Variants in TCERG1L observed in about 807,000 individuals in gnomAD.
TCERG1L encodes transcription elongation regulator 1-like protein.
A neutral mutation model predicts 56.3 loss-of-function variants in TCERG1L; 37 were observed. The ratio of observed to expected loss-of-function variants is 0.66; its 90% CI spans 0.51 to 0.87. The LOEUF (loss-of-function observed/expected upper bound fraction) is 0.87. TCERG1L is among the 40% of genes least tolerant of loss of function. The probability of loss-of-function intolerance (pLI) is 0.00; values close to 1 mark genes in which losing one functional copy is unlikely to be tolerated. For synonymous variants in TCERG1L, 324 were observed against 326.3 expected (o/e 0.99, Z 0.08); for missense variants, 799 against 774.2 (o/e 1.03, Z -0.38).
intron 3 of TCERG1L, among the ~76,000 whole-genome samples, chr10:131,285,028 GCTT>G (rs1160442723): frequency 6.6e-6 from 1 of 152,138 alleles, no homozygotes; most frequent in African/African-American, 2.4e-5. Flanking sequence ...CCACTTCCCA[GCTT>G]CTTCTATGAA....
chr10:131,184,469 C>T (rs531642794), intron 4 of TCERG1L, among the ~76,000 whole-genome samples: 1 of 152,244 alleles, frequency 6.6e-6, no homozygotes, highest in Admixed American at 6.5e-5. Flanking sequence ...AAAAGAGAAA[C>T]AAATCAGCAA....
intron 9 of TCERG1L, among the ~76,000 whole-genome samples, chr10:131,113,003 G>C (rs1845425844): frequency 7.0e-6 from 1 of 142,260 alleles, no homozygotes; most frequent in South Asian, 2.6e-4. Flanking sequence ...GGTGGACCCG[G>C]GTAACTGTGG....
chr10:131,277,870 C>G (rs551466774), intron 3 of TCERG1L, among the ~76,000 whole-genome samples: 16 of 151,956 alleles, frequency 1.1e-4, no homozygotes, highest in African/African-American at 3.9e-4. Flanking sequence ...GTGGCAGGTG[C>G]CTCCTGAGCC....
chr10:131,164,371 G>A (rs995171595), intron 5 of TCERG1L, among the ~76,000 whole-genome samples: 1 of 152,148 alleles, frequency 6.6e-6, no homozygotes, highest in African/African-American at 2.4e-5. Flanking sequence ...TAGCCATATG[G>A]ATGTATGACA....
chr10:131,163,432 T>G (rs1845998991), intron 5 of TCERG1L, among the ~76,000 whole-genome samples: 1 of 152,130 alleles, frequency 6.6e-6, no homozygotes, highest in African/African-American at 2.4e-5. Context: ...AAGGCACCCC[T>G]CATTGTCCCC....
chr10:131,105,084 G>A (rs571413421), intron 9 of TCERG1L, among the ~76,000 whole-genome samples: 148 of 152,370 alleles, frequency 9.7e-4, no homozygotes, highest in African/African-American at 1.7e-3. Flanking sequence ...GGCCCTTGCC[G>A]TTGATGACCT....
chr10:131,126,452 T>C (rs1845565808), intron 8 of TCERG1L, among the ~76,000 whole-genome samples: 1 of 152,240 alleles, frequency 6.6e-6, no homozygotes, highest in Non-Finnish European at 1.5e-5. Flanking sequence ...AAGGGTTTGC[T>C]GGTGGCCTCG....
chr10:131,106,002 C>T (rs569574323), intron 9 of TCERG1L, among the ~76,000 whole-genome samples: 9 of 152,286 alleles, frequency 5.9e-5, no homozygotes, highest in African/African-American at 2.2e-4. Flanking sequence ...CCACCTTTGC[C>T]CTTGAATCAG....
chr10:131,152,504 A>G (rs1387973429), intron 6 of TCERG1L, among the ~76,000 whole-genome samples: 1 of 152,208 alleles, frequency 6.6e-6, no homozygotes, highest in African/African-American at 2.4e-5. Context: ...AGGAAGTTCC[A>G]AACTTTCCCA....
chr10:131,128,160 T>A (rs568069092), intron 8 of TCERG1L, among the ~76,000 whole-genome samples: 6 of 151,886 alleles, frequency 4.0e-5, no homozygotes, highest in African/African-American at 1.4e-4. Context: ...AAAGTGGAAA[T>A]GAAGAATAAA....
At chr10:131,274,302 C>T (rs934278125) in intron 3 of TCERG1L, among the ~76,000 whole-genome samples, 2 of 152,184 alleles carry the variant, frequency 1.3e-5, no homozygotes, top group African/African-American at 2.4e-5. Context: ...CCTGCACAGC[C>T]GCTGTCCTCC....
At chr10:131,146,696 G>C (rs746475882) in intron 6 of TCERG1L, 36 bp from the exon 7 acceptor site, 2 of 1,579,190 alleles carry the variant, frequency 1.3e-6, no homozygotes, top group East Asian at 2.2e-5. Flanking sequence ...AGTCGCTCTC[G>C]GAGACACTTA....
intron 7 of TCERG1L, among the ~76,000 whole-genome samples, chr10:131,139,855 T>C (rs1451138248): frequency 6.6e-6 from 1 of 152,094 alleles, no homozygotes; most frequent in Non-Finnish European, 1.5e-5. Flanking sequence ...TGTGTATGTG[T>C]CTGTGCGTGT....
intron 4 of TCERG1L, among the ~76,000 whole-genome samples, chr10:131,197,709 G>T (rs1461875990): frequency 1.3e-5 from 2 of 152,174 alleles, no homozygotes; most frequent in Admixed American, 6.5e-5. Flanking sequence ...AGCCAGAGCC[G>T]ACCTGAGGTG....
chr10:131,148,002 G>A (rs538260850), intron 6 of TCERG1L, among the ~76,000 whole-genome samples: 1 of 152,356 alleles, frequency 6.6e-6, no homozygotes, highest in African/African-American at 2.4e-5. Flanking sequence ...GGCAGACCAG[G>A]ACCCCTCCCA....
chr10:131,152,549 G>C (rs1589729851), intron 6 of TCERG1L, among the ~76,000 whole-genome samples: 2 of 152,266 alleles, frequency 1.3e-5, no homozygotes, highest in Non-Finnish European at 1.5e-5. Context: ...CAAGTCTCTA[G>C]GAAGTTTCAA....
In TCERG1L at chr10:131,302,608, CTT is replaced by C. The variant is rs35380771; in HGVS notation, c.670+5601_670+5602del. ...CTTTTACTTCCAGGCCCTCCCAATT[CTT>C]TTTTTTTTTTTTCTCAATTTTTTTT... On this transcript the variant is annotated intron_variant, in intron 3 of 11. Transcript: ENST00000368642. Among the ~76,000 whole-genome samples the C allele has an allele frequency of 8.2e-3, 1,171 of 142,924 alleles. 30 individuals are homozygous for C. The highest frequency in any genetic ancestry group is 0.027 in the African/African-American group (1,038 of 37,862). The allele number at this position is 142,924 out of a possible 152,430, so 93.8% of individuals were successfully genotyped here.
intron 4 of TCERG1L, among the ~76,000 whole-genome samples, chr10:131,217,194 T>C (rs1228166168): frequency 6.6e-6 from 1 of 152,110 alleles, no homozygotes; most frequent in East Asian, 1.9e-4. Flanking sequence ...CTTGATGCTA[T>C]TCTCGTGACA....
At chr10:131,230,300 C>G (rs1845835139) in intron 4 of TCERG1L, among the ~76,000 whole-genome samples, 1 of 152,262 alleles carries the variant, frequency 6.6e-6, no homozygotes, top group African/African-American at 2.4e-5. Flanking sequence ...GTGCACTATT[C>G]TGAACAGCGC....
Sources: gnomAD v4.1 joint callset for allele counts (sites outside exome capture counted in the v4.1 genomes callset) on GRCh38, gnomAD v4.1.1 for gene constraint, MANE v1.5 for transcripts, NCBI Gene and HGNC (gene_info 2026-07-23, HGNC 2026-07-21) for gene names.